Variants in NRG1 observed in about 807,000 individuals in gnomAD.
NRG1 encodes neuregulin 1.
In NRG1, 18 loss-of-function variants were observed where a neutral mutation model predicts 63.8. The ratio of observed to expected loss-of-function variants is 0.28; its 90% CI spans 0.19 to 0.42. NRG1 has a LOEUF of 0.42. Ranked by LOEUF, NRG1 falls within the 10% of genes least tolerant of loss-of-function variation. The pLI is 1.00. For synonymous variants in NRG1, 302 were observed against 301.3 expected, an observed-to-expected ratio of 1.00 and a Z score of -0.02; for missense variants, 762 against 814.7, an observed-to-expected ratio of 0.94 and a Z score of 0.79.
chr8:32,273,114 C>T (rs1334409970), intron 1 of NRG1, among the ~76,000 whole-genome samples: 2 of 152,226 alleles, frequency 1.3e-5, no homozygotes, highest in African/African-American at 2.4e-5. Flanking sequence ...TTTGATTAAG[C>T]GTGTTATCAG....
At chr8:31,873,860 C>G (rs185594582) in intron 1 of NRG1, among the ~76,000 whole-genome samples, 1 of 152,278 alleles carries the variant, frequency 6.6e-6, no homozygotes, top group Non-Finnish European at 1.5e-5. Context: ...CACAGTCTAC[C>G]TATGTTAAAA....
intron 1 of NRG1, among the ~76,000 whole-genome samples, chr8:31,650,328 G>T (rs35767550): frequency 0.2 from 29,854 of 152,072 alleles, 3,671 homozygotes; most frequent in East Asian, 0.29. Context: ...AGTTTCAATG[G>T]ATGCACCATA....
intron 1 of NRG1, among the ~76,000 whole-genome samples, chr8:31,708,606 C>T (rs530474339): frequency 6.0e-4 from 91 of 151,396 alleles, no homozygotes; most frequent in African/African-American, 1.8e-3. Flanking sequence ...CCACTACGCC[C>T]GGCTAATTTT....
At chr8:31,916,352 C>A in intron 1 of NRG1, among the ~76,000 whole-genome samples, 1 of 152,078 alleles carries the variant, frequency 6.6e-6, no homozygotes, top group Admixed American at 6.6e-5. Context: ...CCAATGCTAT[C>A]CCTCCCCCTA....
chr8:32,644,678 A>G (rs1853120216), intron 5 of NRG1, among the ~76,000 whole-genome samples: 1 of 152,196 alleles, frequency 6.6e-6, no homozygotes, highest in Non-Finnish European at 1.5e-5. Flanking sequence ...CAAGGGAAAG[A>G]GTACTTGTGG....
intron 5 of NRG1, among the ~76,000 whole-genome samples, chr8:32,621,290 C>T (rs375762946): frequency 6.6e-6 from 1 of 152,126 alleles, no homozygotes; most frequent in East Asian, 1.9e-4. Context: ...AATGAGGCAT[C>T]TGTGACTAAA....
intron 1 of NRG1, among the ~76,000 whole-genome samples, chr8:32,247,295 C>T (rs1436200409): frequency 6.6e-6 from 1 of 152,034 alleles, no homozygotes; most frequent in Non-Finnish European, 1.5e-5. Context: ...CCTTTGATGA[C>T]TCTCTAGGAA....
chr8:32,071,008 G>A (rs998099069), intron 1 of NRG1, among the ~76,000 whole-genome samples: 1 of 152,058 alleles, frequency 6.6e-6, no homozygotes, highest in African/African-American at 2.4e-5. Context: ...CCTCACACCT[G>A]CCGATCTCTC....
chr8:31,829,456 C>T (rs1026896514), intron 1 of NRG1, among the ~76,000 whole-genome samples: 1 of 152,278 alleles, frequency 6.6e-6, no homozygotes, highest in East Asian at 1.9e-4. Flanking sequence ...ACATAGCATG[C>T]GGAATGGCAG....
At chr8:32,564,435 AC>A (rs1335798931) in intron 1 of NRG1, among the ~76,000 whole-genome samples, 1 of 152,222 alleles carries the variant, frequency 6.6e-6, no homozygotes, top group Non-Finnish European at 1.5e-5. Context: ...TTTAACACAG[AC>A]AAAACTTATA....
chr8:32,760,718 T>C, intron 11 of NRG1: 2 of 1,138,382 alleles, frequency 1.8e-6, no homozygotes, highest in South Asian at 5.2e-5. Context: ...GGTCTCAGTG[T>C]CCTCAGTTGT....
intron 1 of NRG1, among the ~76,000 whole-genome samples, chr8:31,768,947 C>T (rs951145250): frequency 6.6e-6 from 1 of 152,142 alleles, no homozygotes; most frequent in Non-Finnish European, 1.5e-5. Context: ...AGTGTCTAAC[C>T]ATGGAGTATC....
chr8:31,994,629 G>GGGT (rs1811626404), intron 1 of NRG1, among the ~76,000 whole-genome samples: 1 of 119,222 alleles, frequency 8.4e-6, no homozygotes, highest in African/African-American at 3.1e-5. Context: ...ACTCCAGCCT[G>GGGT]GGTGACAGAG....
chr8:32,634,691 G>A (rs1236274078), intron 5 of NRG1, among the ~76,000 whole-genome samples: 1 of 152,026 alleles, frequency 6.6e-6, no homozygotes, highest in Non-Finnish European at 1.5e-5. Context: ...TCCTCCTGTT[G>A]AGTCTTGTGT....
At chr8:31,933,951 T>C (rs1025793799) in intron 1 of NRG1, among the ~76,000 whole-genome samples, 18 of 152,270 alleles carry the variant, frequency 1.2e-4, no homozygotes, top group African/African-American at 3.6e-4. Context: ...CCTGAGTGCA[T>C]GCAGCTAAGC....
intron 1 of NRG1, among the ~76,000 whole-genome samples, chr8:32,171,741 C>T (rs890789261): frequency 6.6e-6 from 1 of 152,102 alleles, no homozygotes; most frequent in African/African-American, 2.4e-5. Flanking sequence ...ACGGAGCCTC[C>T]CTCATTGCTA....
chr8:32,314,479 C>T (rs1586776209), intron 1 of NRG1, among the ~76,000 whole-genome samples: 1 of 152,098 alleles, frequency 6.6e-6, no homozygotes, highest in South Asian at 2.1e-4. Context: ...TTACCCTCCT[C>T]GGTTGGCTCC....
chr8:31,979,571 G>A (rs1808746307), intron 1 of NRG1, among the ~76,000 whole-genome samples: 1 of 151,912 alleles, frequency 6.6e-6, no homozygotes. Flanking sequence ...AATTATTTAG[G>A]CAGTGGTTTC....
chr8:32,386,809 C>A (rs1385646256), intron 1 of NRG1, among the ~76,000 whole-genome samples: 1 of 152,156 alleles, frequency 6.6e-6, no homozygotes, highest in East Asian at 1.9e-4. Flanking sequence ...TACTCCTAGA[C>A]CCATGCAGAT....
Sources: gnomAD v4.1 joint callset for allele counts (sites outside exome capture counted in the v4.1 genomes callset) on GRCh38, gnomAD v4.1.1 for gene constraint, MANE v1.5 for transcripts, NCBI Gene and HGNC (gene_info 2026-07-23, HGNC 2026-07-21) for gene names.